The following TMEM117 variants were observed in gnomAD, a reference collection of about 807,000 sequenced individuals.
TMEM117 encodes transmembrane protein 117.
TMEM117 carries 27 observed loss-of-function variants against 52.4 expected under a neutral mutation model. That is an observed-to-expected ratio of 0.51 (90% CI 0.38 to 0.71). TMEM117 has a LOEUF of 0.71. TMEM117 is among the 30% of genes least tolerant of loss of function. The pLI, the probability that TMEM117 is intolerant of heterozygous loss-of-function variation, is 0.00. For missense variants in TMEM117, 556 were observed against 630.5 expected, an observed-to-expected ratio of 0.88 and a Z score of 1.26; for synonymous variants, 215 against 206.3, an observed-to-expected ratio of 1.04 and a Z score of -0.36.
intron 4 of TMEM117, among the ~76,000 whole-genome samples, chr12:44,201,280 C>G (rs1949492684): frequency 6.6e-6 from 1 of 152,092 alleles, no homozygotes; most frequent in Non-Finnish European, 1.5e-5. Context: ...ACAAATATTA[C>G]TTGACACACG....
chr12:43,995,248 C>G (rs542574526), intron 3 of TMEM117, among the ~76,000 whole-genome samples: 1 of 149,128 alleles, frequency 6.7e-6, no homozygotes, highest in African/African-American at 2.5e-5. Flanking sequence ...TCCAGCAAGG[C>G]TCTGTCTTAA....
At chr12:44,291,644 C>G (rs79661145) in intron 5 of TMEM117, among the ~76,000 whole-genome samples, 2,381 of 151,680 alleles carry the variant, frequency 0.016, 79 homozygotes, top group African/African-American at 0.054. Flanking sequence ...TTATATATAG[C>G]CTTAGTTCTT....
At chr12:44,268,402 T>A (rs567763134) in intron 5 of TMEM117, among the ~76,000 whole-genome samples, 4 of 151,950 alleles carry the variant, frequency 2.6e-5, no homozygotes, top group Non-Finnish European at 4.4e-5. Context: ...CCTCGGCCTC[T>A]CCAGGTCTTG....
the TMEM117 span, among the ~76,000 whole-genome samples, chr12:43,809,888 A>C: frequency 6.6e-6 from 1 of 152,242 alleles, no homozygotes; most frequent in African/African-American, 2.4e-5. Flanking sequence ...ACTCCTCACG[A>C]AATGGAATAT....
At chr12:44,356,439 C>A (rs1460052887) in intron 6 of TMEM117, among the ~76,000 whole-genome samples, 2 of 152,080 alleles carry the variant, frequency 1.3e-5, no homozygotes, top group Non-Finnish European at 2.9e-5. Flanking sequence ...TAATACCTCA[C>A]TAGGTATTCA....
intron 4 of TMEM117, among the ~76,000 whole-genome samples, chr12:44,199,673 A>T (rs528678767): frequency 6.6e-6 from 1 of 152,322 alleles, no homozygotes; most frequent in East Asian, 1.9e-4. Context: ...AGTATTTAAA[A>T]GATAATTAAG....
At chr12:44,161,129 A>G (rs1444698652) in intron 4 of TMEM117, among the ~76,000 whole-genome samples, 3 of 152,186 alleles carry the variant, frequency 2.0e-5, no homozygotes, top group Non-Finnish European at 2.9e-5. Flanking sequence ...TTTGACATCA[A>G]AATACATATT....
At chr12:43,845,530 CT>C (rs1276424851) in intron 2 of TMEM117, among the ~76,000 whole-genome samples, 1 of 140,578 alleles carries the variant, frequency 7.1e-6, no homozygotes, top group Non-Finnish European at 1.5e-5. Context: ...TTTTTAAAAA[CT>C]TTTTTTATTT....
chr12:44,329,543 A>G (rs752846608), intron 6 of TMEM117, among the ~76,000 whole-genome samples: 1 of 152,142 alleles, frequency 6.6e-6, no homozygotes, highest in Non-Finnish European at 1.5e-5. Flanking sequence ...AGTCTTCCTT[A>G]CCATTTTAAA....
At chr12:44,138,790 A>G (rs559106071) in intron 3 of TMEM117, among the ~76,000 whole-genome samples, 1 of 152,302 alleles carries the variant, frequency 6.6e-6, no homozygotes, top group South Asian at 2.1e-4. Context: ...AGTATTTTAA[A>G]TCAAGAACTA....
intron 5 of TMEM117, among the ~76,000 whole-genome samples, chr12:44,262,665 C>T (rs1950333294): frequency 6.6e-6 from 1 of 152,202 alleles, no homozygotes; most frequent in African/African-American, 2.4e-5. Flanking sequence ...GAGATGGAAT[C>T]TCGCTCTGCA....
At chr12:44,062,199 C>G (rs1174213460) in intron 3 of TMEM117, among the ~76,000 whole-genome samples, 2 of 152,128 alleles carry the variant, frequency 1.3e-5, no homozygotes, top group East Asian at 3.8e-4. Context: ...GGTTTGAATG[C>G]TATCAGATTC....
At position 44,212,124 on chromosome 12, in the gene TMEM117, G is replaced by T. The variant is rs1215046272; in HGVS notation, c.608+737G>T. Among the ~76,000 whole-genome samples the T allele has an allele frequency of 2.0e-5, 3 of 152,226 alleles. No homozygotes were observed. The South Asian group carries it at 6.2e-4, about 32-fold the overall frequency. On this transcript the variant is annotated intron_variant, in intron 5 of 7. Coordinates refer to ENST00000266534, the MANE Select transcript of TMEM117 (RefSeq NM_032256.3). ...CCTTATCTATGGTTTTGCTTTCCCTGGTTTCAGTTACCCTTGGTCGACTGC... is the reference window on the plus strand; with the variant it reads ...CCTTATCTATGGTTTTGCTTTCCCTTGTTTCAGTTACCCTTGGTCGACTGC...
chr12:43,852,879 T>G (rs1180713402), intron 2 of TMEM117, among the ~76,000 whole-genome samples: 2 of 152,216 alleles, frequency 1.3e-5, no homozygotes, highest in Non-Finnish European at 2.9e-5. Context: ...TAACACATTG[T>G]CAGATGACCT....
At chr12:44,023,696 T>C (rs1005526600) in intron 3 of TMEM117, among the ~76,000 whole-genome samples, 3 of 151,580 alleles carry the variant, frequency 2.0e-5, no homozygotes, top group Non-Finnish European at 2.9e-5. Context: ...TGTAAATTTG[T>C]TTGAGTTCAT....
intron 5 of TMEM117, among the ~76,000 whole-genome samples, chr12:44,291,379 T>TTTTTTTGTTTGTTTG (rs1950702397): frequency 6.8e-6 from 1 of 147,662 alleles, no homozygotes; most frequent in Admixed American, 6.7e-5. Flanking sequence ...TAACAGTTTT[T>TTTTTTTGTTTGTTTG]TTTTTTTTTT....
chr12:44,030,520 C>T (rs188657622), intron 3 of TMEM117, among the ~76,000 whole-genome samples: 1 of 152,216 alleles, frequency 6.6e-6, no homozygotes, highest in Admixed American at 6.5e-5. Context: ...ATTTGAGACT[C>T]CTAAAGAAAC....
intron 2 of TMEM117, among the ~76,000 whole-genome samples, chr12:43,881,942 A>ATGG (rs1943904080): frequency 6.8e-6 from 1 of 146,622 alleles, no homozygotes. Context: ...CGTGGTGGCA[A>ATGG]GCGCCTGTAG....
At chr12:44,394,709 T>A (rs1952173580), downstream of TMEM117, among the ~76,000 whole-genome samples, 1 of 152,186 alleles carries the variant, frequency 6.6e-6, no homozygotes, top group East Asian at 1.9e-4. Flanking sequence ...CCACCACCTT[T>A]CATAAATCCT....
Sources: gnomAD v4.1 joint callset for allele counts (sites outside exome capture counted in the v4.1 genomes callset) on GRCh38, gnomAD v4.1.1 for gene constraint, MANE v1.5 for transcripts, NCBI Gene and HGNC (gene_info 2026-07-23, HGNC 2026-07-21) for gene names.